ANO10: variants seen among roughly 807,000 people sequenced by gnomAD.
ANO10 encodes the protein anoctamin-10.
A neutral mutation model predicts 74.7 loss-of-function variants in ANO10; 77 were observed. The observed-to-expected ratio is 1.03, with a 90% CI of 0.86 to 1.25. ANO10 has a LOEUF of 1.25. Among genes scored for constraint, ANO10 ranks in the 50% most tolerant of loss-of-function variants. The pLI, the probability that ANO10 is intolerant of heterozygous loss-of-function variation, is 0.00. For synonymous variants in ANO10, 279 were observed against 284.9 expected, an observed-to-expected ratio of 0.98 and a Z score of 0.21; for missense variants, 721 against 778.1, an observed-to-expected ratio of 0.93 and a Z score of 0.87.
intron 4 of ANO10, among the ~76,000 whole-genome samples, chr3:43,591,577 A>G (rs186481398): frequency 1.3e-3 from 191 of 152,324 alleles, no homozygotes; most frequent in African/African-American, 4.5e-3. Flanking sequence ...ACCTGGATGA[A>G]GATTGGAAGG....
At chr3:43,383,294 A>G (rs926397293) in intron 12 of ANO10, among the ~76,000 whole-genome samples, 5 of 152,034 alleles carry the variant, frequency 3.3e-5, no homozygotes, top group Non-Finnish European at 7.4e-5. Context: ...TCTACTAAAA[A>G]TACAAAAAAA....
chr3:43,637,196 G>A (rs577146397), intron 1 of ANO10, among the ~76,000 whole-genome samples: 10 of 149,512 alleles, frequency 6.7e-5, no homozygotes, highest in Admixed American at 6.0e-4. Context: ...AGCTGGGTGC[G>A]GTGGCTCACA....
At chr3:43,498,113 C>T (rs1036555070) in intron 11 of ANO10, among the ~76,000 whole-genome samples, 1 of 152,132 alleles carries the variant, frequency 6.6e-6, no homozygotes, top group African/African-American at 2.4e-5. Flanking sequence ...ATTTTCTGTT[C>T]ATGTATTTCT....
chr3:43,657,465 T>C (rs1323180244), intron 1 of ANO10, among the ~76,000 whole-genome samples: 1 of 152,230 alleles, frequency 6.6e-6, no homozygotes, highest in Non-Finnish European at 1.5e-5. Flanking sequence ...TTCCATTTAT[T>C]AGTTTTACCT....
chr3:43,465,820 ATTG>A (rs748340133), intron 11 of ANO10, among the ~76,000 whole-genome samples: 26 of 152,206 alleles, frequency 1.7e-4, no homozygotes, highest in Non-Finnish European at 3.8e-4. Context: ...TCTATAAAAT[ATTG>A]TTGTGAAAAA....
At chr3:43,460,718 C>A (rs1047633997) in intron 11 of ANO10, among the ~76,000 whole-genome samples, 7 of 151,956 alleles carry the variant, frequency 4.6e-5, no homozygotes, top group Non-Finnish European at 1.0e-4. Context: ...TGCACATATA[C>A]CCCATGGCAA....
intron 1 of ANO10, among the ~76,000 whole-genome samples, chr3:43,685,399 G>T (rs552748656): frequency 6.6e-6 from 1 of 152,064 alleles, no homozygotes; most frequent in Non-Finnish European, 1.5e-5. Flanking sequence ...CTTAATTGCT[G>T]CCATAGTATT....
intron 12 of ANO10, among the ~76,000 whole-genome samples, chr3:43,425,044 G>A (rs2092877623): frequency 1.3e-5 from 2 of 152,000 alleles, no homozygotes; most frequent in Non-Finnish European, 2.9e-5. Context: ...CTTTGTTAGA[G>A]GCTAATTCTG....
At chr3:43,552,085 T>C (rs1398237763) in intron 10 of ANO10, among the ~76,000 whole-genome samples, 1 of 152,228 alleles carries the variant, frequency 6.6e-6, no homozygotes, top group Non-Finnish European at 1.5e-5. Flanking sequence ...CCTGAGTATA[T>C]CTTTTGTGTA....
chr3:43,573,193 C>T (rs3772168), intron 7 of ANO10, among the ~76,000 whole-genome samples: 3,193 of 152,272 alleles, frequency 0.021, 262 homozygotes, highest in Admixed American at 0.15. Context: ...ACAGAGGGCA[C>T]AGAACAGAAC....
chr3:43,548,539 A>C (rs182156922), intron 11 of ANO10, among the ~76,000 whole-genome samples: 4 of 152,204 alleles, frequency 2.6e-5, no homozygotes, highest in African/African-American at 9.7e-5. Context: ...ACCAAATACA[A>C]TAAGAGCCAA....
intron 12 of ANO10, among the ~76,000 whole-genome samples, chr3:43,383,725 G>A (rs1039257030): frequency 2.0e-4 from 30 of 152,202 alleles, no homozygotes; most frequent in African/African-American, 4.3e-4. Flanking sequence ...AAAATCCAGC[G>A]TCACTTTATT....
intron 1 of ANO10, among the ~76,000 whole-genome samples, chr3:43,664,008 C>G (rs1246384078): frequency 6.6e-6 from 1 of 152,164 alleles, no homozygotes; most frequent in Non-Finnish European, 1.5e-5. Context: ...CACTGACTTT[C>G]TTCAAAGAAT....
At chr3:43,572,319 C>G (rs1264489123) in intron 7 of ANO10, among the ~76,000 whole-genome samples, 1 of 152,118 alleles carries the variant, frequency 6.6e-6, no homozygotes. Context: ...CAGAGAGATC[C>G]CAGGATGGCC....
At chr3:43,556,862 C>T (rs1231701636) in intron 9 of ANO10, among the ~76,000 whole-genome samples, 1 of 151,770 alleles carries the variant, frequency 6.6e-6, no homozygotes, top group African/African-American at 2.4e-5. Flanking sequence ...TACCAGTAAG[C>T]CTAGTAGATA....
At chr3:43,659,647 G>C (rs2083898989) in intron 1 of ANO10, among the ~76,000 whole-genome samples, 1 of 152,192 alleles carries the variant, frequency 6.6e-6, no homozygotes, top group Non-Finnish European at 1.5e-5. Flanking sequence ...ATGGGGGCAG[G>C]GCATATCTGA....
intron 11 of ANO10, among the ~76,000 whole-genome samples, chr3:43,441,386 A>G (rs1467858031): frequency 6.6e-6 from 1 of 152,098 alleles, no homozygotes; most frequent in Non-Finnish European, 1.5e-5. Flanking sequence ...ACTAAGAACA[A>G]TTATACACCA....
chr3:43,630,477 G>A (rs1303247485), intron 1 of ANO10, among the ~76,000 whole-genome samples: 1 of 152,092 alleles, frequency 6.6e-6, no homozygotes, highest in East Asian at 1.9e-4. Flanking sequence ...GGAAAAAAAA[G>A]CCTATTAAAC....
At chr3:43,465,647 C>T (rs1341686364) in intron 11 of ANO10, among the ~76,000 whole-genome samples, 1 of 151,990 alleles carries the variant, frequency 6.6e-6, no homozygotes, top group Non-Finnish European at 1.5e-5. Context: ...GGTGAGACTT[C>T]ATCTCAAAAA....
Sources: gnomAD v4.1 joint callset for allele counts (sites outside exome capture counted in the v4.1 genomes callset) on GRCh38, gnomAD v4.1.1 for gene constraint, MANE v1.5 for transcripts, NCBI Gene and HGNC (gene_info 2026-07-23, HGNC 2026-07-21) for gene names.